FAM227B: variants seen among roughly 807,000 people sequenced by gnomAD.
The protein encoded by FAM227B is protein FAM227B.
A neutral mutation model predicts 73.8 loss-of-function variants in FAM227B; 88 were observed. That is an observed-to-expected ratio of 1.19 (90% confidence interval 1.00 to 1.42). The LOEUF (loss-of-function observed/expected upper bound fraction) is 1.42. Ranked by LOEUF, FAM227B falls within the 40% of genes most tolerant of loss-of-function variation. FAM227B has a pLI of 0.00. For missense variants in FAM227B, 632 were observed against 590.9 expected (o/e 1.07, Z -0.72); for synonymous variants, 210 against 190.5 (o/e 1.10, Z -0.84).
intron 11 of FAM227B, among the ~76,000 whole-genome samples, chr15:49,496,486 A>G (rs755559878): frequency 2.0e-4 from 31 of 152,242 alleles, no homozygotes; most frequent in Non-Finnish European, 3.8e-4. Context: ...TCTTGTAAAT[A>G]ATCTAACAAT....
intron 11 of FAM227B, among the ~76,000 whole-genome samples, chr15:49,436,994 G>A (rs79883822): frequency 0.023 from 3,512 of 151,622 alleles, 88 homozygotes; most frequent in South Asian, 0.13. Flanking sequence ...CCCCTGAGAA[G>A]GCGTAGCAAC....
chr15:49,385,817 G>A (rs563251768), intron 11 of FAM227B, among the ~76,000 whole-genome samples: 39 of 151,954 alleles, frequency 2.6e-4, no homozygotes, highest in Admixed American at 7.2e-4. Flanking sequence ...GGTATTCCAT[G>A]CAAATGGAAA....
chr15:49,590,994 C>A (rs574765863), intron 3 of FAM227B, among the ~76,000 whole-genome samples: 2 of 147,200 alleles, frequency 1.4e-5, no homozygotes, highest in East Asian at 4.0e-4. Context: ...ATAGAGAGAT[C>A]TCTCTCTTCT....
Position 49,440,679 on chromosome 15 carries a change from C to G in FAM227B, c.1012+67532G>C, listed in dbSNP as rs147655974. 4.7e-4 allele frequency among the ~76,000 whole-genome samples: 72 copies of G among 151,784 alleles called. 2 individuals carry two copies. In the East Asian group the frequency reaches 0.012, roughly 25 times the overall value. ...GCTTGGTGCTTTACATGATTTCTCT[C>G]ATCTAATTCCATTTTATAAATGAGG... On this transcript the variant is annotated intron_variant, in intron 11 of 15. Coordinates refer to ENST00000299338, the MANE Select transcript of FAM227B (RefSeq NM_152647.3).
At chr15:49,416,412 G>A (rs1025661541) in intron 11 of FAM227B, among the ~76,000 whole-genome samples, 1 of 152,078 alleles carries the variant, frequency 6.6e-6, no homozygotes, top group Non-Finnish European at 1.5e-5. Context: ...AATTCATAGT[G>A]TAAGGACATC....
intron 11 of FAM227B, among the ~76,000 whole-genome samples, chr15:49,422,040 T>C (rs1322463516): frequency 1.3e-5 from 2 of 152,090 alleles, no homozygotes; most frequent in African/African-American, 2.4e-5. Flanking sequence ...ACATAAACTA[T>C]AATCCAGTTG....
At chr15:49,424,520 T>C in intron 11 of FAM227B, 1 of 1,612,010 alleles carries the variant, frequency 6.2e-7, no homozygotes, top group Non-Finnish European at 8.5e-7. Flanking sequence ...TCGAACACAG[T>C]GGTACCTGAG....
chr15:49,439,177 C>T lies in FAM227B; in HGVS notation c.1013-67778G>A, dbSNP rs146124816. Among the ~76,000 whole-genome samples the T allele has an allele frequency of 5.6e-3, 852 of 151,642 alleles. 6 individuals are homozygous for T. Among genetic ancestry groups the T allele is most frequent in the African/African-American group, 0.02 (809 of 41,430 alleles). Reference sequence around the variant, plus strand: ...CCTCTGTTTCTATCAGGCTGTTGGCCGGCAACTTCCTCTTTGCTATGTGGG... The same window carrying T: ...CCTCTGTTTCTATCAGGCTGTTGGCTGGCAACTTCCTCTTTGCTATGTGGG... On this transcript the variant is annotated intron_variant, in intron 11 of 15. Transcript: ENST00000299338.
At chr15:49,553,505 C>T (rs2073284443) in intron 9 of FAM227B, among the ~76,000 whole-genome samples, 1 of 152,218 alleles carries the variant, frequency 6.6e-6, no homozygotes, top group Non-Finnish European at 1.5e-5. Flanking sequence ...CTGTGTCCTT[C>T]CCTTCAGGGT....
chr15:49,435,236 T>C (rs2050995730), intron 11 of FAM227B, among the ~76,000 whole-genome samples: 1 of 151,600 alleles, frequency 6.6e-6, no homozygotes, highest in Non-Finnish European at 1.5e-5. Context: ...ATAATCACTG[T>C]AAAATCGAAG....
At chr15:49,554,322 C>T (rs962963107) in intron 9 of FAM227B, among the ~76,000 whole-genome samples, 5 of 152,112 alleles carry the variant, frequency 3.3e-5, no homozygotes, top group South Asian at 2.1e-4. Flanking sequence ...CACTATGTTG[C>T]GTGCACACTC....
intron 9 of FAM227B, among the ~76,000 whole-genome samples, chr15:49,565,538 T>G (rs2074587934): frequency 6.6e-6 from 1 of 152,148 alleles, no homozygotes; most frequent in South Asian, 2.1e-4. Context: ...ATACAACTAT[T>G]TGCATACTCT....
Position 49,327,984 on chromosome 15 carries a change from G to A in FAM227B, c.*584C>T, listed in dbSNP as rs766949973. 3.1e-6 allele frequency: 5 copies of A among 1,613,548 alleles called. No individual in the cohort carries two copies. The highest frequency in any genetic ancestry group is 2.2e-5 in the East Asian group (1 of 44,900). ...GGGGCTCAAGGGTCACGACTTACTG[G>A]AGCAGGATGGGGAGGCTGCACAGTA... is the stretch of plus-strand genomic sequence containing the variant. On this transcript the variant is annotated 3_prime_UTR_variant, in exon 16 of 16. Coordinates refer to ENST00000299338, the MANE Select transcript of FAM227B (RefSeq NM_152647.3).
At chr15:49,425,789 G>A (rs552068815) in intron 11 of FAM227B, among the ~76,000 whole-genome samples, 1 of 151,746 alleles carries the variant, frequency 6.6e-6, no homozygotes, top group South Asian at 2.1e-4. Context: ...TTAATGACTG[G>A]ACAGTTATGG....
intron 11 of FAM227B, among the ~76,000 whole-genome samples, chr15:49,422,165 C>CGT (rs2049724500): frequency 1.2e-5 from 1 of 84,412 alleles, no homozygotes; most frequent in African/African-American, 5.2e-5. Context: ...TGTGTGTGTG[C>CGT]GCGCGCGCGC....
intron 10 of FAM227B, among the ~76,000 whole-genome samples, chr15:49,520,437 A>C (rs1588129): frequency 0.053 from 7,993 of 152,246 alleles, 366 homozygotes; most frequent in East Asian, 0.24. Flanking sequence ...GTATCTTAAT[A>C]GTACCCTGCT....
intron 13 of FAM227B, chr15:49,353,386 C>G (rs540811194): frequency 6.6e-6 from 1 of 152,232 alleles, no homozygotes; most frequent in East Asian, 1.9e-4. Flanking sequence ...TTCCTCTTTT[C>G]AGACAATTAG....
chr15:49,584,280 TA>T (rs1330279581), intron 5 of FAM227B, among the ~76,000 whole-genome samples: 3 of 152,178 alleles, frequency 2.0e-5, no homozygotes, highest in Non-Finnish European at 4.4e-5. Context: ...ATTATCTCAA[TA>T]GATGCAGAAA....
intron 5 of FAM227B, among the ~76,000 whole-genome samples, chr15:49,580,613 A>C (rs2075751737): frequency 6.6e-6 from 1 of 152,348 alleles, no homozygotes; most frequent in Admixed American, 6.5e-5. Flanking sequence ...CACTAGTTCC[A>C]GTAATGGTGC....
Sources: gnomAD v4.1 joint callset for allele counts (sites outside exome capture counted in the v4.1 genomes callset) on GRCh38, gnomAD v4.1.1 for gene constraint, MANE v1.5 for transcripts, NCBI Gene and HGNC (gene_info 2026-07-23, HGNC 2026-07-21) for gene names.